C8orf74: variants seen among roughly 807,000 people sequenced by gnomAD.
C8orf74 encodes the protein uncharacterized protein C8orf74.
C8orf74 carries 29 observed loss-of-function variants against 22.2 expected under a neutral mutation model. That is an observed-to-expected ratio of 1.31 (90% CI 0.97 to 1.78). C8orf74 has a LOEUF of 1.78. C8orf74 is among the 40% of genes most tolerant of loss of function. C8orf74 has a pLI of 0.00. For synonymous variants in C8orf74, 255 were observed against 163.1 expected, an observed-to-expected ratio of 1.56 and a Z score of -4.30; for missense variants, 515 against 369.9, an observed-to-expected ratio of 1.39 and a Z score of -3.22.
intron 2 of C8orf74, among the ~76,000 whole-genome samples, chr8:10,696,423 T>C (rs1372807740): frequency 7.3e-6 from 1 of 137,432 alleles, no homozygotes; most frequent in African/African-American, 3.4e-5. Context: ...TTTTTTTTCT[T>C]TTCTTTTCTT....
intron 2 of C8orf74, among the ~76,000 whole-genome samples, chr8:10,677,882 T>A (rs1310520971): frequency 6.6e-6 from 1 of 152,168 alleles, no homozygotes; most frequent in African/African-American, 2.4e-5. Flanking sequence ...CATTTCCCCA[T>A]CCTGCCCTTG....
At chr8:10,680,497 A>C (rs1799126514) in intron 2 of C8orf74, among the ~76,000 whole-genome samples, 1 of 152,238 alleles carries the variant, frequency 6.6e-6, no homozygotes, top group African/African-American at 2.4e-5. Flanking sequence ...TCAAACAGAC[A>C]GAAGGTGCCA....
chr8:10,684,769 C>T (rs531598719), intron 2 of C8orf74, among the ~76,000 whole-genome samples: 9 of 152,338 alleles, frequency 5.9e-5, no homozygotes, highest in South Asian at 2.1e-4. Context: ...CTTACGAAAT[C>T]GAGAACTTTC....
chr8:10,685,963 G>A (rs1159082809), intron 2 of C8orf74, among the ~76,000 whole-genome samples: 1 of 152,174 alleles, frequency 6.6e-6, no homozygotes, highest in African/African-American at 2.4e-5. Flanking sequence ...CAACTACTCA[G>A]GAGGCTGAGG....
intron 1 of C8orf74, among the ~76,000 whole-genome samples, chr8:10,673,952 GACCCCCATATCATATCCCACA>G (rs1798969681): frequency 1.1e-5 from 1 of 90,466 alleles, no homozygotes; most frequent in Non-Finnish European, 2.2e-5. Flanking sequence ...CATACCCTCC[GACCCCCATATCATATCCCACA>G]ACCCCCATAT....
intron 3 of C8orf74, among the ~76,000 whole-genome samples, chr8:10,698,457 G>A (rs1215476110): frequency 1.2e-4 from 18 of 152,144 alleles, no homozygotes; most frequent in Admixed American, 1.2e-3. Context: ...AGCTTGGGGA[G>A]GGTCATGTGA....
intron 2 of C8orf74, among the ~76,000 whole-genome samples, chr8:10,680,323 G>T (rs1043359592): frequency 6.6e-6 from 1 of 152,214 alleles, no homozygotes; most frequent in African/African-American, 2.4e-5. Flanking sequence ...TCAAATGGGG[G>T]CAGTAACAGT....
rs1030297798 is a variant in C8orf74 at position 10,690,994 on chromosome 8, G to A, written c.242-6605G>A. The A allele has an allele frequency of 1.9e-4, 87 of 454,680 alleles. 1 individual carries two copies. Among genetic ancestry groups the A allele is most frequent in the Admixed American group, 1.6e-4 (7 of 42,506 alleles). The allele number at this position is 454,680 out of a possible 1,614,324, so 28.2% of individuals were successfully genotyped here. A position where few individuals can be genotyped will look rare whatever the true frequency, so the allele number is the denominator to read the frequency against. On this transcript the variant is annotated intron_variant, in intron 2 of 3. Transcript: ENST00000304519. ...CAGATCTGTCCGCCCGGCAGCCAGC[G>A]GCTTCTCCCTGAGACTTAATCCCTC...
intron 2 of C8orf74, among the ~76,000 whole-genome samples, chr8:10,682,531 T>C (rs1328172778): frequency 6.6e-6 from 1 of 152,224 alleles, no homozygotes; most frequent in African/African-American, 2.4e-5. Context: ...TCTGTGCACC[T>C]GTTCCCTGGC....
In C8orf74 at chr8:10,698,020, C is replaced by T. The variant is rs1048628157; in HGVS notation, c.648+15C>T. The T allele has an allele frequency of 5.5e-6, 8 of 1,452,786 alleles. No individual in the cohort carries two copies. Among genetic ancestry groups the T allele is most frequent in the African/African-American group, 1.4e-5 (1 of 70,832 alleles). The allele number at this position is 1,452,786 out of a possible 1,614,324, so 90.0% of individuals were successfully genotyped here. On this transcript the variant is annotated intron_variant, in intron 3 of 3. Coordinates refer to ENST00000304519, the MANE Select transcript of C8orf74 (RefSeq NM_001040032.2). Reference sequence around the variant, plus strand: ...TGGAGAGACAGGTGAGGCTCTGCCCCCCTGCCGTGGGTGGGCACCTGGGCC... The same window carrying T: ...TGGAGAGACAGGTGAGGCTCTGCCCTCCTGCCGTGGGTGGGCACCTGGGCC...
chr8:10,692,257 A>G (rs11994746), intron 2 of C8orf74: 25,841 of 152,334 alleles, frequency 0.17, 6,421 homozygotes, highest in African/African-American at 0.54. Flanking sequence ...CAGTGAAGCA[A>G]GACCTGGACC....
chr8:10,683,773 G>C (rs753027390), intron 2 of C8orf74, among the ~76,000 whole-genome samples: 9 of 152,182 alleles, frequency 5.9e-5, no homozygotes, highest in Admixed American at 3.3e-4. Context: ...CCGTCTTTCC[G>C]GTGTCTGAGC....
At chr8:10,684,468 C>CT in intron 2 of C8orf74, among the ~76,000 whole-genome samples, 1 of 152,306 alleles carries the variant, frequency 6.6e-6, no homozygotes, top group South Asian at 2.1e-4. Context: ...AGCTTGCCCT[C>CT]TGAGCCCTAG....
intron 2 of C8orf74, among the ~76,000 whole-genome samples, chr8:10,693,665 C>T (rs1799430470): frequency 1.3e-5 from 2 of 152,178 alleles, no homozygotes; most frequent in African/African-American, 4.8e-5. Context: ...GGGCAGGGGT[C>T]ATGTCAGACG....
intron 3 of C8orf74, among the ~76,000 whole-genome samples, chr8:10,699,215 C>T (rs866717006): frequency 1.6e-4 from 25 of 152,212 alleles, no homozygotes; most frequent in Non-Finnish European, 1.8e-4. Flanking sequence ...CCCAGCTCGC[C>T]GCCCAGCCTC....
At chr8:10,690,420 C>T (rs926194320) in intron 2 of C8orf74, among the ~76,000 whole-genome samples, 1 of 152,084 alleles carries the variant, frequency 6.6e-6, no homozygotes, top group Non-Finnish European at 1.5e-5. Context: ...GGCAATGCGG[C>T]GTGCGGGGGA....
At chr8:10,678,592 T>TAAAAAAA (rs60385154) in intron 2 of C8orf74, among the ~76,000 whole-genome samples, 1 of 130,988 alleles carries the variant, frequency 7.6e-6, no homozygotes, top group Non-Finnish European at 1.7e-5. Context: ...GGAAGTAATT[T>TAAAAAAA]AAAAAAAAAA....
At chr8:10,682,416 G>T (rs375487240) in intron 2 of C8orf74, among the ~76,000 whole-genome samples, 9 of 152,192 alleles carry the variant, frequency 5.9e-5, no homozygotes, top group African/African-American at 2.2e-4. Flanking sequence ...AGTTCTGGAG[G>T]CTGGAAGCCC....
At chr8:10,684,764 G>A (rs1166351903) in intron 2 of C8orf74, among the ~76,000 whole-genome samples, 2 of 152,162 alleles carry the variant, frequency 1.3e-5, no homozygotes, top group Non-Finnish European at 2.9e-5. Context: ...GTTTCCTTAC[G>A]AAATCGAGAA....
Sources: gnomAD v4.1 joint callset for allele counts (sites outside exome capture counted in the v4.1 genomes callset) on GRCh38, gnomAD v4.1.1 for gene constraint, MANE v1.5 for transcripts, NCBI Gene and HGNC (gene_info 2026-07-23, HGNC 2026-07-21) for gene names.